BTK: variants seen among roughly 807,000 people sequenced by gnomAD.
The protein encoded by BTK is Bruton tyrosine kinase, also known as tyrosine-protein kinase BTK.
BTK carries 5 observed loss-of-function variants against 57.4 expected under a neutral mutation model. The observed-to-expected ratio is 0.09, with a 90% CI of 0.05 to 0.18. The LOEUF is 0.18. BTK is among the 10% of genes least tolerant of loss of function. The pLI is 1.00. For synonymous variants in BTK, 154 were observed against 174.3 expected (o/e 0.88, Z 0.92); for missense variants, 194 against 501.2 (o/e 0.39, Z 5.85).
At chrX:101,353,687 T>A (rs1057339109) in intron 17 of BTK, among the ~76,000 whole-genome samples, 183 bp downstream of exon 17, 22 of 112,474 alleles carry the variant, frequency 2.0e-4, no homozygotes, top group African/African-American at 7.1e-4. Flanking sequence ...AAGGCAGAGA[T>A]CATGTCCAGT....
intron 5 of BTK, among the ~76,000 whole-genome samples, chrX:101,368,686 G>A (rs781844106): frequency 3.6e-5 from 4 of 112,338 alleles, no homozygotes; most frequent in Non-Finnish European, 7.5e-5. Flanking sequence ...TTGTTTTTAG[G>A]CCAAGGTTGT....
intron 1 of BTK, among the ~76,000 whole-genome samples, chrX:101,383,278 A>G (rs1927511621): frequency 9.0e-6 from 1 of 111,686 alleles, no homozygotes; most frequent in South Asian, 3.7e-4. Flanking sequence ...CTTTTTCCAA[A>G]AAAAGATCTA....
intron 4 of BTK, among the ~76,000 whole-genome samples, chrX:101,371,312 C>A (rs1555980261): frequency 8.9e-6 from 1 of 112,168 alleles, no homozygotes; most frequent in African/African-American, 3.2e-5. Flanking sequence ...TAGTCAGAAC[C>A]AGAAGGAAGT....
At chrX:101,353,785 C>A (rs1445550536) in intron 17 of BTK, 85 bp downstream of exon 17, 16 of 791,678 alleles carry the variant, frequency 2.0e-5, no homozygotes, top group Non-Finnish European at 3.1e-5. Context: ...AGAACAATAT[C>A]TCTGTGGAGG....
chrX:101,361,546 A>G (rs1926671957), intron 7 of BTK, among the ~76,000 whole-genome samples: 1 of 109,362 alleles, frequency 9.1e-6, no homozygotes, highest in African/African-American at 3.3e-5. Flanking sequence ...AGTGTTAGTG[A>G]TAGGTGGTGT....
intron 16 of BTK, 112 bp from the exon 17 acceptor site, chrX:101,354,100 T>C: frequency 1.7e-6 from 1 of 579,271 alleles, no homozygotes; most frequent in Non-Finnish European, 3.0e-6. Context: ...TTCTCAAAAG[T>C]CTCTCCTCCT....
intron 13 of BTK, among the ~76,000 whole-genome samples, 164 bp from the exon 14 acceptor site, chrX:101,357,119 G>A (rs1400931224): frequency 1.8e-5 from 2 of 111,979 alleles, no homozygotes; most frequent in African/African-American, 3.2e-5. Flanking sequence ...GGGATTCATT[G>A]GTTAGAGGAA....
chrX:101,367,745 C>T (rs2147441409), intron 5 of BTK, among the ~76,000 whole-genome samples: 1 of 111,357 alleles, frequency 9.0e-6, no homozygotes, highest in South Asian at 3.7e-4. Context: ...AAAGAAGTTA[C>T]CAACTTGAGC....
At position 101,375,202 on chromosome X, in the gene BTK, C is replaced by T. The variant is rs128620185; in HGVS notation, c.83G>A (p.Arg28His). 1 of 1,211,243 alleles carries T rather than the reference C, an allele frequency of 8.3e-7. No individual in the cohort carries two copies. The highest frequency in any genetic ancestry group is 1.1e-6 in the Non-Finnish European group (1 of 895,134). ...TTTGTGCACGGTCAAGAGAAACAGGCGCTTCTTGAAGTTTAGAGGTGATGT... is the reference window on the plus strand; with the variant it reads ...TTTGTGCACGGTCAAGAGAAACAGGTGCTTCTTGAAGTTTAGAGGTGATGT... ...KKTSPLNFKK[R>H]LFLLTVHKLS... Residue 28 changes from arginine to histidine, a missense_variant, in exon 2 of 19, where the codon CGC (arginine) becomes CAC (histidine). Physicochemically the swap from Arg to His is conservative, Grantham distance 29. Around this residue, in one of 3 missense-constraint regions of BTK, gnomAD observed 115 missense variants for 258.3 expected, o/e 0.45. Transcript: ENST00000308731.
intron 1 of BTK, among the ~76,000 whole-genome samples, chrX:101,385,253 T>A (rs1160577353): frequency 9.2e-6 from 1 of 108,570 alleles, no homozygotes; most frequent in Non-Finnish European, 1.9e-5. Context: ...GGGATATAGG[T>A]AGAGAAAAGA....
chrX:101,354,508 C>T (rs1926400258), intron 16 of BTK, 122 bp downstream of exon 16: 2 of 719,237 alleles, frequency 2.8e-6, no homozygotes, highest in South Asian at 4.6e-5. Context: ...ATAGAAAGAT[C>T]GGCAGAAAAC....
chrX:101,365,396 T>C (rs782107680), intron 5 of BTK, among the ~76,000 whole-genome samples: 49 of 112,199 alleles, frequency 4.4e-4, no homozygotes, highest in Non-Finnish European at 5.6e-4. Flanking sequence ...TTAAGAAACC[T>C]CCCTACATTC....
At position 101,354,001 on chromosome X, in the gene BTK, C is replaced by T; in HGVS notation, c.1632-13G>A. On this transcript the variant is annotated splice_polypyrimidine_tract_variant and intron_variant, in intron 16 of 18. Transcript: ENST00000308731. ...ATCCAGGACATACCTGCAAGGGATT[C>T]AGGACTTGTTGCATTAGGATTTGGA... The T allele has an allele frequency of 8.8e-7, 1 of 1,136,785 alleles. No individual in the cohort carries two copies. The highest frequency in any genetic ancestry group is 2.2e-5 in the Admixed American group (1 of 46,006). The allele number at this position is 1,136,785 out of a possible 1,213,427, so 93.7% of individuals were successfully genotyped here. A position where few individuals can be genotyped will look rare whatever the true frequency, so the allele number is the denominator to read the frequency against.
chrX:101,369,520 A>G (rs1368931933), intron 5 of BTK, among the ~76,000 whole-genome samples: 1 of 111,851 alleles, frequency 8.9e-6, no homozygotes, highest in African/African-American at 3.2e-5. Context: ...TAAATATTGC[A>G]TAACCATTGA....
chrX:101,353,993 A>T lies in BTK; in HGVS notation c.1632-5T>A. The T allele has an allele frequency of 8.6e-7, 1 of 1,165,671 alleles. No individual in the cohort carries two copies. ...TATTCATCATCCAGGACATACCTGC[A>T]AGGGATTCAGGACTTGTTGCATTAG... is the stretch of plus-strand genomic sequence containing the variant. On this transcript the variant is annotated splice_region_variant and splice_polypyrimidine_tract_variant and intron_variant, in intron 16 of 18. Transcript: ENST00000308731.
At position 101,374,977 on chromosome X, in the gene BTK, C is replaced by T. The variant is rs367618788; in HGVS notation, c.141+167G>A. Among the ~76,000 whole-genome samples the T allele has an allele frequency of 1.6e-4, 18 of 111,338 alleles. 3 individuals carry two copies. Among genetic ancestry groups the T allele is most frequent in the East Asian group, 1.4e-3 (5 of 3,543 alleles). The stretch of plus-strand genomic sequence containing the variant: ...TGGCTTCTTAGGACCTTTGACTTTC[C>T]GGCTTTAGCTAGTTATAGGCTAGGA... On this transcript the variant is annotated intron_variant, in intron 2 of 18. Coordinates refer to ENST00000308731, the MANE Select transcript of BTK (RefSeq NM_000061.3).
chrX:101,356,664 C>A, intron 14 of BTK, 120 bp downstream of exon 14: 1 of 865,772 alleles, frequency 1.2e-6, no homozygotes. Context: ...TAAAGGTAAA[C>A]TTCAGTCCCT....
intron 9 of BTK, 138 bp from the exon 10 acceptor site, chrX:101,359,485 A>AT: frequency 1.6e-6 from 1 of 629,583 alleles, no homozygotes; most frequent in Non-Finnish European, 2.7e-6. Flanking sequence ...TCATGTGCAT[A>AT]GCACACTGTA....
intron 2 of BTK, 49 bp downstream of exon 2, chrX:101,375,095 C>A (rs374119692): frequency 8.3e-7 from 1 of 1,204,256 alleles, no homozygotes; most frequent in African/African-American, 1.8e-5. Flanking sequence ...AGATCTAAGG[C>A]CAAGTCCTTG....
Sources: gnomAD v4.1 joint callset for allele counts (sites outside exome capture counted in the v4.1 genomes callset) on GRCh38, gnomAD v4.1.1 for gene constraint, gnomAD v4.1.1 regional missense constraint, MANE v1.5 for transcripts, NCBI Gene and HGNC (gene_info 2026-07-23, HGNC 2026-07-21) for gene names.